The following ROBO2 variants were observed in gnomAD, a reference collection of about 807,000 sequenced individuals.
ROBO2 encodes roundabout homolog 2.
ROBO2 carries 53 observed loss-of-function variants against 160.8 expected under a neutral mutation model. That is an observed-to-expected ratio of 0.33 (90% CI 0.26 to 0.41). The LOEUF (loss-of-function observed/expected upper bound fraction) is 0.41, where lower values mean the gene tolerates loss of function less well. Ranked by LOEUF, ROBO2 falls within the 10% of genes least tolerant of loss-of-function variation. The pLI, the probability that ROBO2 is intolerant of heterozygous loss-of-function variation, is 1.00. For synonymous variants in ROBO2, 664 were observed against 611.7 expected (o/e 1.09, Z -1.26); for missense variants, 1,577 against 1,722.4 (o/e 0.92, Z 1.49).
At chr3:76,988,614 A>G (rs1054330412) in intron 2 of ROBO2, among the ~76,000 whole-genome samples, 1 of 151,904 alleles carries the variant, frequency 6.6e-6, no homozygotes, top group African/African-American at 2.4e-5. Context: ...AGTTATTTTG[A>G]TAAGTGTCTT....
At chr3:76,205,161 C>T (rs776743252) in intron 2 of ROBO2, among the ~76,000 whole-genome samples, 6 of 152,202 alleles carry the variant, frequency 3.9e-5, no homozygotes, top group Admixed American at 1.3e-4. Context: ...TAGAAAAATA[C>T]GCTAAAGCTG....
intron 2 of ROBO2, among the ~76,000 whole-genome samples, chr3:76,723,843 T>A (rs985347453): frequency 6.6e-6 from 1 of 152,184 alleles, no homozygotes; most frequent in East Asian, 1.9e-4. Context: ...ATCCAAATCA[T>A]CTGGGTTAAG....
intron 2 of ROBO2, among the ~76,000 whole-genome samples, chr3:76,529,214 G>T (rs1384067519): frequency 6.6e-6 from 1 of 152,194 alleles, no homozygotes; most frequent in Admixed American, 6.5e-5. Flanking sequence ...TTTTACCAAA[G>T]ATAGACAGCA....
chr3:76,655,204 A>C (rs2091450364), intron 2 of ROBO2, among the ~76,000 whole-genome samples: 1 of 150,082 alleles, frequency 6.7e-6, no homozygotes. Context: ...GAATAGTCAA[A>C]ATTCTATCAA....
intron 23 of ROBO2, among the ~76,000 whole-genome samples, chr3:77,625,985 G>A (rs546141238): frequency 2.0e-4 from 31 of 152,048 alleles, no homozygotes; most frequent in Non-Finnish European, 3.2e-4. Flanking sequence ...CTTTGTCCAG[G>A]TTACCCACCT....
intron 2 of ROBO2, among the ~76,000 whole-genome samples, chr3:76,803,465 A>G (rs1560590649): frequency 7.1e-6 from 1 of 140,148 alleles, no homozygotes; most frequent in Non-Finnish European, 1.5e-5. Flanking sequence ...GGAAGGAAGA[A>G]AGGAAGGAAG....
chr3:76,659,652 A>C (rs1327324521), intron 2 of ROBO2, among the ~76,000 whole-genome samples: 1 of 152,204 alleles, frequency 6.6e-6, no homozygotes, highest in African/African-American at 2.4e-5. Context: ...CTTAGATGTT[A>C]AAATGCAAGT....
intron 2 of ROBO2, among the ~76,000 whole-genome samples, chr3:76,641,627 CAA>C (rs988898563): frequency 6.6e-6 from 1 of 151,684 alleles, no homozygotes; most frequent in Middle Eastern, 3.4e-3. Flanking sequence ...AAACAAAAAA[CAA>C]AAAAAACCCA....
chr3:77,296,047 G>T (rs1007099024), intron 2 of ROBO2, among the ~76,000 whole-genome samples: 2 of 151,144 alleles, frequency 1.3e-5, no homozygotes, highest in Non-Finnish European at 3.0e-5. Context: ...TAGAATTGAT[G>T]GTTAAACGGG....
chr3:76,953,458 T>C (rs1297458381), intron 2 of ROBO2, among the ~76,000 whole-genome samples: 3 of 152,116 alleles, frequency 2.0e-5, no homozygotes, highest in East Asian at 3.9e-4. Context: ...GGCATTGAAC[T>C]CAAACTTAAT....
At chr3:76,012,040 T>C (rs905123554) in intron 2 of ROBO2, among the ~76,000 whole-genome samples, 9 of 152,224 alleles carry the variant, frequency 5.9e-5, no homozygotes, top group African/African-American at 2.2e-4. Context: ...ATTTAGCTAA[T>C]TAGTAGCAAT....
At chr3:77,141,269 G>A (rs2076677020) in intron 2 of ROBO2, among the ~76,000 whole-genome samples, 1 of 151,476 alleles carries the variant, frequency 6.6e-6, no homozygotes, top group South Asian at 2.1e-4. Context: ...GCTAAGATGG[G>A]ATGTACATAT....
At chr3:76,996,891 T>C (rs2061044574) in intron 2 of ROBO2, among the ~76,000 whole-genome samples, 1 of 152,172 alleles carries the variant, frequency 6.6e-6, no homozygotes. Flanking sequence ...TCCCCTATCA[T>C]TATTAACTGA....
intron 2 of ROBO2, among the ~76,000 whole-genome samples, chr3:76,159,205 G>A (rs80169873): frequency 0.024 from 3,722 of 152,152 alleles, 61 homozygotes; most frequent in Non-Finnish European, 0.039. Flanking sequence ...TCATAATGCC[G>A]TTTAACTGTT....
chr3:76,764,433 A>G (rs1005982751), intron 2 of ROBO2, among the ~76,000 whole-genome samples: 3 of 151,704 alleles, frequency 2.0e-5, no homozygotes, highest in Non-Finnish European at 3.0e-5. Flanking sequence ...AAATATTTGC[A>G]CAGATTTTTA....
intron 2 of ROBO2, among the ~76,000 whole-genome samples, chr3:77,237,408 GT>G (rs1327655857): frequency 2.1e-5 from 1 of 48,768 alleles, no homozygotes; most frequent in African/African-American, 5.6e-5. Context: ...GTTTTGTTTT[GT>G]TTTGTGTGTG....
At chr3:76,365,119 C>A (rs1022067497) in intron 2 of ROBO2, among the ~76,000 whole-genome samples, 2 of 151,998 alleles carry the variant, frequency 1.3e-5, no homozygotes, top group Non-Finnish European at 2.9e-5. Flanking sequence ...ATCACAGAGT[C>A]TAAAGTGAGA....
chr3:77,013,167 C>G (rs1012027145), intron 2 of ROBO2, among the ~76,000 whole-genome samples: 1 of 151,994 alleles, frequency 6.6e-6, no homozygotes, highest in Non-Finnish European at 1.5e-5. Flanking sequence ...TTTGCAATCA[C>G]AAGGCATCAT....
intron 6 of ROBO2, among the ~76,000 whole-genome samples, chr3:77,526,155 C>T (rs370338700): frequency 4.0e-5 from 6 of 151,472 alleles, no homozygotes; most frequent in Admixed American, 2.0e-4. Flanking sequence ...CCAGGCTTTT[C>T]GTACCACTGC....
Sources: gnomAD v4.1 joint callset for allele counts (sites outside exome capture counted in the v4.1 genomes callset) on GRCh38, gnomAD v4.1.1 for gene constraint, MANE v1.5 for transcripts, NCBI Gene and HGNC (gene_info 2026-07-23, HGNC 2026-07-21) for gene names.